KCNH8: variants seen among roughly 807,000 people sequenced by gnomAD.
The protein encoded by KCNH8 is potassium voltage-gated channel subfamily H member 8.
In KCNH8, 70 loss-of-function variants were observed where a neutral mutation model predicts 103.6. The ratio of observed to expected loss-of-function variants is 0.68; its 90% CI spans 0.56 to 0.82. The LOEUF (loss-of-function observed/expected upper bound fraction) is 0.82, where lower values mean the gene tolerates loss of function less well. Among genes scored for constraint, KCNH8 ranks in the 40% least tolerant of loss-of-function variants. The pLI is 0.00. For synonymous variants in KCNH8, 498 were observed against 489.4 expected (o/e 1.02, Z -0.23); for missense variants, 1,217 against 1,329.9 (o/e 0.92, Z 1.32).
chr3:19,177,318 A>G (rs2063410185), intron 1 of KCNH8, among the ~76,000 whole-genome samples: 1 of 152,088 alleles, frequency 6.6e-6, no homozygotes, highest in South Asian at 2.1e-4. Flanking sequence ...TAAAAGATTC[A>G]TGAGTACTGA....
intron 1 of KCNH8, among the ~76,000 whole-genome samples, chr3:19,245,015 G>C (rs963363525): frequency 6.6e-6 from 1 of 152,062 alleles, no homozygotes; most frequent in African/African-American, 2.4e-5. Context: ...TGTGGACTTA[G>C]CCAGAAATTC....
intron 7 of KCNH8, among the ~76,000 whole-genome samples, chr3:19,401,495 T>C (rs565721389): frequency 1.4e-4 from 22 of 152,132 alleles, no homozygotes; most frequent in Middle Eastern, 3.4e-3. Context: ...ACAATTTATA[T>C]TACTGTTAGT....
At chr3:19,228,338 C>T (rs997048324) in intron 1 of KCNH8, among the ~76,000 whole-genome samples, 12 of 152,246 alleles carry the variant, frequency 7.9e-5, no homozygotes, top group African/African-American at 2.9e-4. Flanking sequence ...TGGCCTTTTA[C>T]GGAAGAATTT....
chr3:19,357,484 CA>C (rs34218164), intron 5 of KCNH8, among the ~76,000 whole-genome samples: 41,499 of 149,350 alleles, frequency 0.28, 6,519 homozygotes, highest in African/African-American at 0.43. Context: ...TCTAAAAATA[CA>C]AAAAAAAAAT....
Position 19,395,088 on chromosome 3 carries a change from C to T in KCNH8, c.970-16C>T. 1.3e-6 allele frequency: 2 copies of T among 1,597,010 alleles called. No individual in the cohort carries two copies. The highest frequency in any genetic ancestry group is 1.7e-6 in the Non-Finnish European group (2 of 1,166,912). On this transcript the variant is annotated splice_polypyrimidine_tract_variant and intron_variant, in intron 6 of 15. Transcript: ENST00000328405. Reference sequence around the variant, plus strand: ...AACACATGCACCAAGTTGTGCTGCTCTGTCTCTTACCACAGGTGTCTCTCG... The same window carrying T: ...AACACATGCACCAAGTTGTGCTGCTTTGTCTCTTACCACAGGTGTCTCTCG...
At chr3:19,261,098 T>G (rs1468037572) in intron 2 of KCNH8, among the ~76,000 whole-genome samples, 1 of 151,158 alleles carries the variant, frequency 6.6e-6, no homozygotes, top group Non-Finnish European at 1.5e-5. Flanking sequence ...GATATCTTTT[T>G]CTTTTAATAT....
chr3:19,325,600 A>G (rs2065411846), intron 3 of KCNH8, among the ~76,000 whole-genome samples: 1 of 152,188 alleles, frequency 6.6e-6, no homozygotes, highest in South Asian at 2.1e-4. Context: ...AACATCACTT[A>G]TCATTAGAGA....
At chr3:19,488,376 G>A (rs1034432306) in intron 11 of KCNH8, among the ~76,000 whole-genome samples, 6 of 152,240 alleles carry the variant, frequency 3.9e-5, no homozygotes, top group African/African-American at 1.2e-4. Context: ...TTGCATCTTT[G>A]TTCACAAACA....
At chr3:19,474,125 A>C (rs1275012388) in intron 11 of KCNH8, among the ~76,000 whole-genome samples, 1 of 152,154 alleles carries the variant, frequency 6.6e-6, no homozygotes, top group East Asian at 1.9e-4. Context: ...CCAGTTCTCA[A>C]ACTCAACTGT....
At chr3:19,322,386 T>A (rs571730951) in intron 3 of KCNH8, among the ~76,000 whole-genome samples, 13 of 152,310 alleles carry the variant, frequency 8.5e-5, no homozygotes, top group African/African-American at 2.4e-4. Flanking sequence ...GGCTTTGCAG[T>A]GGTGAATTCT....
At chr3:19,277,938 C>T (rs1027773571) in intron 2 of KCNH8, among the ~76,000 whole-genome samples, 3 of 152,000 alleles carry the variant, frequency 2.0e-5, no homozygotes, top group African/African-American at 7.3e-5. Context: ...TGACTCTGCT[C>T]TTATCATTCA....
chr3:19,334,541 A>C (rs892607208), intron 3 of KCNH8, among the ~76,000 whole-genome samples: 2 of 152,092 alleles, frequency 1.3e-5, no homozygotes, highest in Non-Finnish European at 2.9e-5. Flanking sequence ...TTCAAAATTT[A>C]TATTGAATAA....
chr3:19,339,872 A>G (rs1230718211), intron 3 of KCNH8, among the ~76,000 whole-genome samples: 1 of 152,030 alleles, frequency 6.6e-6, no homozygotes, highest in Non-Finnish European at 1.5e-5. Flanking sequence ...CAGGAATTAT[A>G]ATACCTGTTA....
At chr3:19,440,988 C>A (rs1044482901) in intron 8 of KCNH8, among the ~76,000 whole-genome samples, 1 of 152,090 alleles carries the variant, frequency 6.6e-6, no homozygotes, top group African/African-American at 2.4e-5. Context: ...GCTAGCTGAC[C>A]TCAGTTGCTT....
At chr3:19,521,547 C>A (rs536763473) in intron 15 of KCNH8, among the ~76,000 whole-genome samples, 1 of 151,842 alleles carries the variant, frequency 6.6e-6, no homozygotes, top group Non-Finnish European at 1.5e-5. Flanking sequence ...CCTCCTTCTA[C>A]CTAACAGTGC....
chr3:19,249,800 T>C (rs1205476063), intron 1 of KCNH8, among the ~76,000 whole-genome samples: 1 of 152,184 alleles, frequency 6.6e-6, no homozygotes, highest in Non-Finnish European at 1.5e-5. Flanking sequence ...ATTCAAGTTA[T>C]GGGCTTCTTC....
At position 19,376,601 on chromosome 3, in the gene KCNH8, A is replaced by T. The variant is rs1470563961; in HGVS notation, c.812-13880A>T. On this transcript the variant is annotated intron_variant, in intron 5 of 15. Coordinates refer to ENST00000328405, the MANE Select transcript of KCNH8 (RefSeq NM_144633.3). ...GGAGCTGTAGACCGGAGCTGTTCCTATTCGGCCATCTTGGCTCCTCTCCCT... is the reference window on the plus strand; with the variant it reads ...GGAGCTGTAGACCGGAGCTGTTCCTTTTCGGCCATCTTGGCTCCTCTCCCT... 8.5e-5 allele frequency among the ~76,000 whole-genome samples: 13 copies of T among 152,294 alleles called. No individual in the cohort carries two copies. In the South Asian group the frequency reaches 1.5e-3, roughly 17 times the overall value.
chr3:19,226,434 G>T (rs1209472752), intron 1 of KCNH8, among the ~76,000 whole-genome samples: 1 of 152,114 alleles, frequency 6.6e-6, no homozygotes, highest in Admixed American at 6.6e-5. Context: ...AATAAGCAAG[G>T]TCATCAGAAG....
chr3:19,161,967 A>G (rs898152463), intron 1 of KCNH8, among the ~76,000 whole-genome samples: 3 of 152,122 alleles, frequency 2.0e-5, no homozygotes, highest in Admixed American at 1.3e-4. Flanking sequence ...CTTTTTTTTA[A>G]TGCCTGTTGT....
Sources: gnomAD v4.1 joint callset for allele counts (sites outside exome capture counted in the v4.1 genomes callset) on GRCh38, gnomAD v4.1.1 for gene constraint, MANE v1.5 for transcripts, NCBI Gene and HGNC (gene_info 2026-07-23, HGNC 2026-07-21) for gene names.